Variants in FBLN5 observed in about 807,000 individuals in gnomAD.
The protein encoded by FBLN5 is fibulin-5.
A neutral mutation model predicts 61.6 loss-of-function variants in FBLN5; 24 were observed. That is an observed-to-expected ratio of 0.39 (90% CI 0.28 to 0.55). The LOEUF (loss-of-function observed/expected upper bound fraction) is 0.55. Ranked by LOEUF, FBLN5 falls within the 20% of genes least tolerant of loss-of-function variation. FBLN5 has a pLI of 0.65. For synonymous variants in FBLN5, 213 were observed against 219.8 expected (o/e 0.97, Z 0.27); for missense variants, 470 against 594.1 (o/e 0.79, Z 2.17).
chr14:91,934,757 C>T (rs930479525), intron 4 of FBLN5, among the ~76,000 whole-genome samples: 1 of 152,122 alleles, frequency 6.6e-6, no homozygotes, highest in Non-Finnish European at 1.5e-5. Context: ...CTCAATGATC[C>T]CCCCATCTGG....
At chr14:91,891,192 A>G (rs770310945) in intron 6 of FBLN5, 29 bp downstream of exon 6, 5 of 1,272,026 alleles carry the variant, frequency 3.9e-6, no homozygotes, top group Admixed American at 3.4e-5. Context: ...GTCTCACATC[A>G]TGTCCAAGTT....
At chr14:91,926,823 C>T (rs771160812) in intron 4 of FBLN5, among the ~76,000 whole-genome samples, 7 of 152,102 alleles carry the variant, frequency 4.6e-5, no homozygotes, top group Non-Finnish European at 7.4e-5. Context: ...GGAGTGACAA[C>T]GCGATTGCTT....
At chr14:91,887,116 T>G in intron 7 of FBLN5, 77 bp downstream of exon 7, 1 of 1,523,150 alleles carries the variant, frequency 6.6e-7, no homozygotes, top group Non-Finnish European at 9.1e-7. Context: ...GAAACACCTA[T>G]GAAGGAAGCC....
chr14:91,877,987 G>T lies in FBLN5; in HGVS notation c.990-305C>A, dbSNP rs578188634. On this transcript the variant is annotated intron_variant, in intron 9 of 10. Coordinates refer to ENST00000342058, the MANE Select transcript of FBLN5 (RefSeq NM_006329.4). ...CTCCAAGATACTTTACATTTGCCAC[G>T]TAGGCCAAATATGCCACTCCAGCCT... is the stretch of plus-strand genomic sequence containing the variant. 15 of 498,862 alleles carry T rather than the reference G, an allele frequency of 3.0e-5. 1 individual carries two copies. The East Asian group carries it at 6.2e-4, about 21-fold the overall frequency. The allele number at this position is 498,862 out of a possible 1,614,324, so 30.9% of individuals were successfully genotyped here. A position where few individuals can be genotyped will look rare whatever the true frequency, so the allele number is the denominator to read the frequency against.
intron 4 of FBLN5, among the ~76,000 whole-genome samples, chr14:91,936,250 T>C (rs918244007): frequency 1.3e-5 from 2 of 152,246 alleles, no homozygotes; most frequent in Admixed American, 6.5e-5. Context: ...AATTCATATA[T>C]ATTTTTTCTT....
At chr14:91,873,014 A>G (rs1472751387) in intron 10 of FBLN5, among the ~76,000 whole-genome samples, 1 of 152,174 alleles carries the variant, frequency 6.6e-6, no homozygotes, top group Non-Finnish European at 1.5e-5. Context: ...CCTGAGTACG[A>G]AAGAATCCTC....
chr14:91,942,227 A>G (rs1190733981), intron 2 of FBLN5: 1 of 455,160 alleles, frequency 2.2e-6, no homozygotes, highest in Non-Finnish European at 4.4e-6. Context: ...AGAACCCCTA[A>G]GGCCCTGAGC....
At chr14:91,924,864 C>G (rs193116695) in intron 4 of FBLN5, among the ~76,000 whole-genome samples, 2 of 152,162 alleles carry the variant, frequency 1.3e-5, no homozygotes, top group Admixed American at 1.3e-4. Flanking sequence ...TCATCCCTGT[C>G]CCCACGGAGA....
chr14:91,910,768 G>A (rs961288853), intron 4 of FBLN5, among the ~76,000 whole-genome samples: 6 of 152,068 alleles, frequency 3.9e-5, no homozygotes, highest in African/African-American at 1.4e-4. Flanking sequence ...CACGGAATCA[G>A]GGTAGAGTGC....
At chr14:91,910,764 ATCAGGGTAGAG>A (rs1409738888) in intron 4 of FBLN5, among the ~76,000 whole-genome samples, 8 of 152,134 alleles carry the variant, frequency 5.3e-5, no homozygotes, top group Non-Finnish European at 8.8e-5. Flanking sequence ...GCATCACGGA[ATCAGGGTAGAG>A]TGCTGGGGAG....
chr14:91,936,713 GA>G (rs1374462143), intron 4 of FBLN5, among the ~76,000 whole-genome samples: 1 of 152,082 alleles, frequency 6.6e-6, no homozygotes, highest in Admixed American at 6.6e-5. Context: ...GTAAAATAAA[GA>G]AAAAAATTGG....
rs967847519 is a variant in FBLN5, at chr14:91,881,732, G to A, written c.863-314C>T. Reference sequence around the variant, plus strand: ...CACTTGAAGCCAGGAGTTCAAGACCGGCCTGGGCAACAAAGCAAGGTCTTA... The same window carrying A: ...CACTTGAAGCCAGGAGTTCAAGACCAGCCTGGGCAACAAAGCAAGGTCTTA... On this transcript the variant is annotated intron_variant, in intron 8 of 10. Transcript: ENST00000342058. Among the ~76,000 whole-genome samples the A allele has an allele frequency of 4.0e-5, 6 of 151,796 alleles. No homozygotes were observed. In the East Asian group the frequency reaches 5.8e-4, roughly 15 times the overall value.
intron 9 of FBLN5, among the ~76,000 whole-genome samples, chr14:91,878,615 A>G (rs1889281755): frequency 6.6e-6 from 1 of 152,216 alleles, no homozygotes; most frequent in Admixed American, 6.5e-5. Flanking sequence ...AAGAGAGTCC[A>G]CATCCAACCA....
At chr14:91,932,784 A>G (rs1045515714) in intron 4 of FBLN5, among the ~76,000 whole-genome samples, 24 of 152,386 alleles carry the variant, frequency 1.6e-4, no homozygotes, top group African/African-American at 5.8e-4. Context: ...GAAATTCTAC[A>G]GAACAAGCAG....
chr14:91,934,107 G>A (rs1321953920), intron 4 of FBLN5, among the ~76,000 whole-genome samples: 2 of 152,214 alleles, frequency 1.3e-5, no homozygotes, highest in Non-Finnish European at 2.9e-5. Context: ...TTGGGAGGCT[G>A]AAATGGGAGG....
At chr14:91,897,874 C>T (rs1462475667) in intron 4 of FBLN5, among the ~76,000 whole-genome samples, 1 of 152,060 alleles carries the variant, frequency 6.6e-6, no homozygotes, top group Admixed American at 6.5e-5. Flanking sequence ...CATGGCAAAA[C>T]CCTGTTTCTA....
intron 4 of FBLN5, among the ~76,000 whole-genome samples, chr14:91,907,997 A>T (rs1364255738): frequency 6.6e-6 from 1 of 152,198 alleles, no homozygotes; most frequent in Non-Finnish European, 1.5e-5. Flanking sequence ...TAATAAAGTA[A>T]GCTCCCCAAA....
At chr14:91,933,746 T>G (rs2140042655) in intron 4 of FBLN5, among the ~76,000 whole-genome samples, 1 of 152,124 alleles carries the variant, frequency 6.6e-6, no homozygotes. Context: ...AGTAGGTAGG[T>G]GCTTACTATG....
intron 9 of FBLN5, among the ~76,000 whole-genome samples, chr14:91,878,236 A>G (rs1889262582): frequency 1.3e-5 from 2 of 152,236 alleles, no homozygotes; most frequent in African/African-American, 4.8e-5. Context: ...AAGATGTGAC[A>G]TTGGACATTT....
Sources: gnomAD v4.1 joint callset for allele counts (sites outside exome capture counted in the v4.1 genomes callset) on GRCh38, gnomAD v4.1.1 for gene constraint, MANE v1.5 for transcripts, NCBI Gene and HGNC (gene_info 2026-07-23, HGNC 2026-07-21) for gene names.